The following DMD variants were observed in gnomAD, a reference collection of about 807,000 sequenced individuals.
DMD encodes dystrophin, also known as mutant dystrophin.
DMD carries 63 observed loss-of-function variants against 330.1 expected under a neutral mutation model. The observed-to-expected ratio is 0.19, with a 90% CI of 0.16 to 0.24. The LOEUF (loss-of-function observed/expected upper bound fraction) is 0.24. DMD is among the 10% of genes least tolerant of loss of function. The pLI, the probability that DMD is intolerant of heterozygous loss-of-function variation, is 1.00. For synonymous variants in DMD, 1,223 were observed against 959.8 expected (o/e 1.27, Z -5.07); for missense variants, 3,344 against 2,684.1 (o/e 1.25, Z -5.43).
intron 2 of DMD, among the ~76,000 whole-genome samples, chrX:32,954,403 G>A (rs1392358533): frequency 9.0e-6 from 1 of 111,482 alleles, no homozygotes; most frequent in Non-Finnish European, 1.9e-5. Context: ...GGTGGTGGTG[G>A]GCATCCACTG....
At chrX:31,762,139 G>T (rs1229067131) in intron 51 of DMD, among the ~76,000 whole-genome samples, 1 of 112,430 alleles carries the variant, frequency 8.9e-6, no homozygotes, top group East Asian at 2.8e-4. Flanking sequence ...GTGTGGGGCT[G>T]CCAGAAAAGC....
chrX:31,354,523 C>A (rs746290666), intron 60 of DMD, among the ~76,000 whole-genome samples: 21 of 111,164 alleles, frequency 1.9e-4, no homozygotes, highest in Non-Finnish European at 3.6e-4. Context: ...TATAAAACAA[C>A]CCTGAAGTCC....
At chrX:32,717,535 G>A (rs747328214) in intron 7 of DMD, among the ~76,000 whole-genome samples, 7 of 111,898 alleles carry the variant, frequency 6.3e-5, no homozygotes, top group Non-Finnish European at 9.4e-5. Flanking sequence ...CTGCTGCAGC[G>A]GGGGAGCCTG....
chrX:31,622,298 G>GACACAC (rs774285230), intron 55 of DMD, among the ~76,000 whole-genome samples: 3 of 106,674 alleles, frequency 2.8e-5, no homozygotes, highest in Non-Finnish European at 3.9e-5. Flanking sequence ...CACACCGACA[G>GACACAC]ACACACACAC....
At chrX:32,891,928 T>C (rs73464893) in intron 2 of DMD, among the ~76,000 whole-genome samples, 1,491 of 111,092 alleles carry the variant, frequency 0.013, 25 homozygotes, top group African/African-American at 0.046. Context: ...TCTCGCGTCA[T>C]AGTTTGGGGG....
chrX:32,880,105 C>T (rs778930898), intron 2 of DMD, among the ~76,000 whole-genome samples: 5 of 111,330 alleles, frequency 4.5e-5, no homozygotes, highest in Admixed American at 9.5e-5. Flanking sequence ...CATTGTATCC[C>T]CAGTCCACCT....
intron 45 of DMD, among the ~76,000 whole-genome samples, chrX:31,951,928 A>G (rs2095186245): frequency 9.0e-6 from 1 of 110,924 alleles, no homozygotes; most frequent in Non-Finnish European, 1.9e-5. Context: ...CAACTTGGTA[A>G]TATATTTATT....
At chrX:32,308,867 A>T (rs758162479) in intron 42 of DMD, among the ~76,000 whole-genome samples, 3 of 111,124 alleles carry the variant, frequency 2.7e-5, no homozygotes, top group Non-Finnish European at 5.7e-5. Context: ...TAATTTACTT[A>T]TTGAATGACA....
chrX:32,738,749 G>A (rs959555112), intron 7 of DMD, among the ~76,000 whole-genome samples: 4 of 111,432 alleles, frequency 3.6e-5, no homozygotes, highest in African/African-American at 9.8e-5. Context: ...AGAGTTAGCA[G>A]AGCAGATAAG....
At chrX:32,709,322 TATG>T (rs1351304845) in intron 7 of DMD, among the ~76,000 whole-genome samples, 4 of 111,864 alleles carry the variant, frequency 3.6e-5, no homozygotes, top group African/African-American at 9.7e-5. Flanking sequence ...GTAACACAAA[TATG>T]ATGATGATAA....
intron 2 of DMD, among the ~76,000 whole-genome samples, chrX:32,873,905 A>T (rs2083188065): frequency 8.9e-6 from 1 of 112,385 alleles, no homozygotes; most frequent in South Asian, 3.7e-4. Context: ...CTTTGCAATG[A>T]TCTGAATAAT....
chrX:33,009,590 A>G (rs1203143443), intron 2 of DMD, among the ~76,000 whole-genome samples: 1 of 64,864 alleles, frequency 1.5e-5, no homozygotes, highest in Non-Finnish European at 3.2e-5. Flanking sequence ...ATATGTGTGT[A>G]TGTGTGTATG....
At chrX:31,740,629 C>A (rs1004775319) in intron 51 of DMD, among the ~76,000 whole-genome samples, 1 of 111,861 alleles carries the variant, frequency 8.9e-6, no homozygotes, top group Non-Finnish European at 1.9e-5. Context: ...AATGTACATA[C>A]CTTAATTTGA....
intron 48 of DMD, among the ~76,000 whole-genome samples, chrX:31,861,736 TACACACACACAC>T (rs753295784): frequency 2.0e-4 from 15 of 76,870 alleles, no homozygotes; most frequent in East Asian, 4.3e-4. Flanking sequence ...AAGAGTGCTA[TACACACACACAC>T]ACACACACAC....
At chrX:32,940,109 C>T (rs1245381703) in intron 2 of DMD, among the ~76,000 whole-genome samples, 1 of 111,687 alleles carries the variant, frequency 9.0e-6, no homozygotes, top group African/African-American at 3.2e-5. Context: ...AGCACATTAC[C>T]CAACTTCAAA....
intron 1 of DMD, among the ~76,000 whole-genome samples, chrX:33,200,204 TTA>T (rs1012134490): frequency 3.6e-5 from 4 of 111,738 alleles, no homozygotes; most frequent in African/African-American, 1.3e-4. Flanking sequence ...AAATAAATAA[TTA>T]TATGTTTGTT....
chrX:31,914,391 A>G (rs1300020137), intron 47 of DMD, among the ~76,000 whole-genome samples: 1 of 112,463 alleles, frequency 8.9e-6, no homozygotes, highest in African/African-American at 3.2e-5. Context: ...GTATATACCC[A>G]AAGAAAGGAA....
At chrX:31,993,662 C>T (rs745513101) in intron 44 of DMD, among the ~76,000 whole-genome samples, 9 of 111,521 alleles carry the variant, frequency 8.1e-5, no homozygotes, top group Non-Finnish European at 1.3e-4. Flanking sequence ...TTTGAGCAGC[C>T]ACGGTTTCTG....
intron 1 of DMD, among the ~76,000 whole-genome samples, chrX:33,095,564 C>A (rs1395651392): frequency 8.9e-6 from 1 of 112,220 alleles, no homozygotes; most frequent in African/African-American, 3.2e-5. Flanking sequence ...AAGAGTGGAA[C>A]TGCAATGAAG....
Sources: allele counts gnomAD v4.1 joint callset (sites outside exome capture counted in the v4.1 genomes callset), GRCh38; gene constraint gnomAD v4.1.1; transcripts MANE v1.5; gene names NCBI Gene and HGNC (gene_info 2026-07-23, HGNC 2026-07-21).